The following ARHGEF9 variants were observed in gnomAD, a reference collection of about 807,000 sequenced individuals.
The protein encoded by ARHGEF9 is Cdc42 guanine nucleotide exchange factor 9, also known as rho guanine nucleotide exchange factor 9.
A neutral mutation model predicts 41.3 loss-of-function variants in ARHGEF9; 2 were observed. That is an observed-to-expected ratio of 0.05 (90% CI 0.02 to 0.15). The LOEUF (loss-of-function observed/expected upper bound fraction) is 0.15, where lower values mean the gene tolerates loss of function less well. Ranked by LOEUF, ARHGEF9 falls within the 10% of genes least tolerant of loss-of-function variation. The probability of loss-of-function intolerance (pLI) is 1.00; values close to 1 mark genes in which losing one functional copy is unlikely to be tolerated. For synonymous variants in ARHGEF9, 160 were observed against 154.4 expected (o/e 1.04, Z -0.27); for missense variants, 225 against 424.7 (o/e 0.53, Z 4.13).
intron 3 of ARHGEF9, among the ~76,000 whole-genome samples, chrX:63,700,859 CAG>C (rs1556394767): frequency 9.0e-6 from 1 of 111,555 alleles, no homozygotes; most frequent in Non-Finnish European, 1.9e-5. Context: ...TGAATGGTAA[CAG>C]GGAACAGGGT....
chrX:63,635,066 G>T lies in ARHGEF9; in HGVS notation c.*2962C>A. 6.6e-6 allele frequency: 2 copies of T among 302,060 alleles called. No homozygotes were observed. Among genetic ancestry groups the T allele is most frequent in the Non-Finnish European group, 1.1e-5 (2 of 175,636 alleles). The allele number at this position is 302,060 out of a possible 1,213,427, so 24.9% of individuals were successfully genotyped here. A position where few individuals can be genotyped will look rare whatever the true frequency, so the allele number is the denominator to read the frequency against. ...TAAACATTTTTTAACACACAACTTT[G>T]ACACTTGTTTGACAGAGTCAGTCAG... is the stretch of plus-strand genomic sequence containing the variant. On this transcript the variant is annotated 3_prime_UTR_variant, in exon 10 of 10. Transcript: ENST00000671741.
intron 6 of ARHGEF9, among the ~76,000 whole-genome samples, chrX:63,673,825 A>G (rs1183107010): frequency 8.9e-6 from 1 of 111,859 alleles, no homozygotes; most frequent in East Asian, 2.8e-4. Flanking sequence ...TCATTTCTTA[A>G]TGAGGTATCA....
chrX:63,681,906 T>G (rs1269588670), intron 4 of ARHGEF9, among the ~76,000 whole-genome samples: 1 of 110,701 alleles, frequency 9.0e-6, no homozygotes, highest in East Asian at 2.8e-4. Flanking sequence ...AACAATTATA[T>G]GACAACAACT....
chrX:63,679,155 A>ATATG (rs1457439491), intron 4 of ARHGEF9, among the ~76,000 whole-genome samples: 1 of 111,465 alleles, frequency 9.0e-6, no homozygotes, highest in Non-Finnish European at 1.9e-5. Context: ...GAGTGTGTGT[A>ATATG]TATGTATGTA....
chrX:63,669,603 G>A (rs1243721248), intron 6 of ARHGEF9, among the ~76,000 whole-genome samples: 1 of 110,614 alleles, frequency 9.0e-6, no homozygotes, highest in African/African-American at 3.3e-5. Context: ...ACTGGCTTCC[G>A]TGTTGTTCCT....
chrX:63,781,966 C>A (rs1383830479), intron 1 of ARHGEF9, among the ~76,000 whole-genome samples: 2 of 112,179 alleles, frequency 1.8e-5, no homozygotes, highest in Admixed American at 1.9e-4. Context: ...GCACTTCCTT[C>A]ACATCTTTGC....
intron 3 of ARHGEF9, chrX:63,701,505 T>G (rs1226480347): frequency 8.9e-6 from 1 of 111,942 alleles, no homozygotes; most frequent in Non-Finnish European, 1.9e-5. Context: ...ATATAGTTGC[T>G]GCTCAGTTAT....
At chrX:63,760,548 A>G (rs185171082) in intron 1 of ARHGEF9, among the ~76,000 whole-genome samples, 303 of 111,929 alleles carry the variant, frequency 2.7e-3, no homozygotes, top group African/African-American at 9.7e-3. Flanking sequence ...CATAATTTCA[A>G]TGTCATACAG....
At chrX:63,769,969 G>GGACTCA (rs1556453782) in intron 1 of ARHGEF9, among the ~76,000 whole-genome samples, 1 of 112,058 alleles carries the variant, frequency 8.9e-6, no homozygotes, top group African/African-American at 3.2e-5. Flanking sequence ...TCCCTACTGG[G>GGACTCA]CACCACCTAG....
At chrX:63,770,312 T>C (rs2056182256) in intron 1 of ARHGEF9, among the ~76,000 whole-genome samples, 1 of 112,897 alleles carries the variant, frequency 8.9e-6, no homozygotes, top group Non-Finnish European at 1.9e-5. Context: ...AAAATTTAAT[T>C]GCTCCGCTGT....
intron 6 of ARHGEF9, among the ~76,000 whole-genome samples, chrX:63,669,069 T>C (rs1191688366): frequency 2.7e-5 from 3 of 112,500 alleles, no homozygotes; most frequent in African/African-American, 9.7e-5. Flanking sequence ...TCCTCATTTG[T>C]AGAGGGGGAA....
At chrX:63,745,085 A>G (rs1249855480) in intron 1 of ARHGEF9, among the ~76,000 whole-genome samples, 1 of 82,529 alleles carries the variant, frequency 1.2e-5, no homozygotes, top group Admixed American at 1.6e-4. Flanking sequence ...AGCTAAAAGT[A>G]GCTACTGCCT....
At chrX:63,775,343 T>A (rs1396166065) in intron 1 of ARHGEF9, among the ~76,000 whole-genome samples, 2 of 112,563 alleles carry the variant, frequency 1.8e-5, no homozygotes, top group African/African-American at 3.2e-5. Context: ...GCCAAAGGAA[T>A]ATAAATCATT....
At chrX:63,779,565 A>C (rs782215916) in intron 1 of ARHGEF9, among the ~76,000 whole-genome samples, 47 of 112,095 alleles carry the variant, frequency 4.2e-4, no homozygotes, top group Admixed American at 7.5e-4. Context: ...TATGGGAACT[A>C]AAATTCAAGA....
chrX:63,768,693 G>C (rs1271186402), intron 1 of ARHGEF9, among the ~76,000 whole-genome samples: 1 of 111,855 alleles, frequency 8.9e-6, no homozygotes, highest in African/African-American at 3.3e-5. Flanking sequence ...TCATGGGGCA[G>C]TCTCCCCCAT....
intron 1 of ARHGEF9, among the ~76,000 whole-genome samples, chrX:63,771,397 G>C (rs1556454756): frequency 9.0e-6 from 1 of 111,720 alleles, no homozygotes; most frequent in Non-Finnish European, 1.9e-5. Context: ...AAGGCATGAT[G>C]GTCAATTTTA....
At chrX:63,754,680 G>C in intron 1 of ARHGEF9, 1 of 958,316 alleles carries the variant, frequency 1.0e-6, no homozygotes, top group Non-Finnish European at 1.3e-6. Flanking sequence ...CACCATGCTA[G>C]AAAGGAGAGG....
chrX:63,749,604 A>T (rs1422004535), intron 1 of ARHGEF9, among the ~76,000 whole-genome samples: 1 of 111,835 alleles, frequency 8.9e-6, no homozygotes, highest in Non-Finnish European at 1.9e-5. Context: ...TGAAAGGCAG[A>T]CCCACTCCCA....
At chrX:63,647,832 T>C (rs1203853158) in intron 8 of ARHGEF9, among the ~76,000 whole-genome samples, 15 of 111,437 alleles carry the variant, frequency 1.3e-4, no homozygotes, top group African/African-American at 4.9e-4. Flanking sequence ...GTACCTCTGG[T>C]AGAATTTGGC....
Sources: allele counts gnomAD v4.1 joint callset (sites outside exome capture counted in the v4.1 genomes callset), GRCh38; gene constraint gnomAD v4.1.1; transcripts MANE v1.5; gene names NCBI Gene and HGNC (gene_info 2026-07-23, HGNC 2026-07-21).